The following TMEM272 variants were observed in gnomAD, a reference collection of about 807,000 sequenced individuals.
TMEM272 encodes transmembrane protein 272, also known as long intergenic non-protein coding RNA 282.
TMEM272 carries 8 observed loss-of-function variants against 3.7 expected under a neutral mutation model. That is an observed-to-expected ratio of 2.17 (90% CI 1.27 to 3.91). The LOEUF (loss-of-function observed/expected upper bound fraction) is 3.91, where lower values mean the gene tolerates loss of function less well. TMEM272 is among the 30% of genes most tolerant of loss of function. The pLI is 0.00. For missense variants in TMEM272, 166 were observed against 91.5 expected (o/e 1.81, Z -3.32); for synonymous variants, 63 against 39.8 (o/e 1.58, Z -2.20).
At chr13:51,866,751 T>C in the TMEM272 span, among the ~76,000 whole-genome samples, 1 of 152,176 alleles carries the variant, frequency 6.6e-6, no homozygotes, top group Non-Finnish European at 1.5e-5. Flanking sequence ...CCAAGAGCAC[T>C]GACGCCCCTG....
chr13:51,851,814 C>T, the TMEM272 span, among the ~76,000 whole-genome samples: 37 of 152,314 alleles, frequency 2.4e-4, no homozygotes, highest in East Asian at 3.9e-3. Flanking sequence ...TGAGCCACCG[C>T]GCCCAGCCTG....
Position 51,815,601 on chromosome 13 carries a change from A to AAGC in TMEM272, c.*1147_*1149dup, listed in dbSNP as rs1956013623. 1 of 152,264 alleles carries AAGC rather than the reference A, an allele frequency of 6.6e-6. No individual in the cohort carries two copies. Among genetic ancestry groups the AAGC allele is most frequent in the African/African-American group, 2.4e-5 (1 of 41,458 alleles). The allele number at this position is 152,264 out of a possible 1,614,324, so 9.4% of individuals were successfully genotyped here. On this transcript the variant is annotated 3_prime_UTR_variant, in exon 5 of 5. Transcript: ENST00000629372. ...GAAATGCTATGCACGTGGCTGAGAG[A>AAGC]AGCACGGTTAAGCAGGTGCCACGCA... is the stretch of plus-strand genomic sequence containing the variant.
At chr13:51,900,942 C>T in the TMEM272 span, among the ~76,000 whole-genome samples, 1 of 152,058 alleles carries the variant, frequency 6.6e-6, no homozygotes, top group Middle Eastern at 3.2e-3. Flanking sequence ...AAAGTAGATA[C>T]AAGGTTGCCA....
At chr13:51,909,735 T>C in the TMEM272 span, 252 of 1,552,246 alleles carry the variant, frequency 1.6e-4, no homozygotes, top group Non-Finnish European at 2.1e-4. Context: ...CAATTCACTG[T>C]TCATTTCTAA....
the TMEM272 span, among the ~76,000 whole-genome samples, chr13:51,901,235 G>A: frequency 2.6e-5 from 4 of 152,064 alleles, no homozygotes; most frequent in Non-Finnish European, 5.9e-5. Context: ...GAGAACCTGG[G>A]TCCACACACA....
chr13:51,835,553 T>C (rs1956209850), intron 2 of TMEM272, among the ~76,000 whole-genome samples: 1 of 152,150 alleles, frequency 6.6e-6, no homozygotes, highest in African/African-American at 2.4e-5. Flanking sequence ...TACATAAATA[T>C]GTAGCTTTAT....
the TMEM272 span, among the ~76,000 whole-genome samples, chr13:51,889,935 C>T: frequency 6.6e-6 from 1 of 152,124 alleles, no homozygotes. Flanking sequence ...GCCACCATGC[C>T]CAGCCAATCT....
chr13:51,860,690 CAA>C, the TMEM272 span, among the ~76,000 whole-genome samples: 1 of 144,648 alleles, frequency 6.9e-6, no homozygotes, highest in African/African-American at 2.5e-5. Context: ...TATGCCTTAC[CAA>C]AAAGAGACAG....
intron 4 of TMEM272, among the ~76,000 whole-genome samples, chr13:51,817,741 T>A (rs1956046496): frequency 1.3e-5 from 2 of 151,952 alleles, no homozygotes; most frequent in Non-Finnish European, 2.9e-5. Context: ...TCCCTCTCAG[T>A]CCTCGTACAT....
At chr13:51,876,372 A>G in the TMEM272 span, among the ~76,000 whole-genome samples, 1 of 152,186 alleles carries the variant, frequency 6.6e-6, no homozygotes, top group Non-Finnish European at 1.5e-5. Flanking sequence ...TCATGAAATC[A>G]TTTCATTAGC....
upstream of TMEM272, among the ~76,000 whole-genome samples, chr13:51,847,910 A>C (rs983253154): frequency 1.3e-5 from 2 of 152,232 alleles, no homozygotes; most frequent in Non-Finnish European, 2.9e-5. Flanking sequence ...CATGTCCCCA[A>C]ACATGCAGCA....
At chr13:51,839,380 G>A (rs556687841) in intron 1 of TMEM272, among the ~76,000 whole-genome samples, 1 of 152,278 alleles carries the variant, frequency 6.6e-6, no homozygotes, top group East Asian at 1.9e-4. Flanking sequence ...CCTGAGGCTG[G>A]GTGTGCGTAG....
chr13:51,848,387 GC>G (rs1226462428), upstream of TMEM272, among the ~76,000 whole-genome samples: 1 of 152,100 alleles, frequency 6.6e-6, no homozygotes, highest in Non-Finnish European at 1.5e-5. Flanking sequence ...CTCCACTATT[GC>G]CATATGAATA....
At chr13:51,910,078 A>G in the TMEM272 span, 10 of 1,148,508 alleles carry the variant, frequency 8.7e-6, no homozygotes, top group Middle Eastern at 2.0e-4. Context: ...GATTTGAGGG[A>G]TTTTGACTCA....
the TMEM272 span, among the ~76,000 whole-genome samples, chr13:51,851,089 C>A: frequency 6.6e-6 from 1 of 152,138 alleles, no homozygotes; most frequent in South Asian, 2.1e-4. Context: ...TACTACAGCA[C>A]TTTGGGAGGC....
the TMEM272 span, among the ~76,000 whole-genome samples, chr13:51,922,134 T>C: frequency 1.3e-5 from 2 of 152,212 alleles, no homozygotes; most frequent in Non-Finnish European, 2.9e-5. Flanking sequence ...GTTCATCCTT[T>C]ACAGACCATC....
the TMEM272 span, among the ~76,000 whole-genome samples, chr13:51,923,011 T>A: frequency 1.3e-5 from 2 of 152,188 alleles, no homozygotes; most frequent in Non-Finnish European, 2.9e-5. Context: ...AGGATTCGGA[T>A]GAGGATGTCT....
rs951963082 is a variant in TMEM272 at position 51,815,389 on chromosome 13, C to T, written c.*1362G>A. 3 of 152,528 alleles carry T rather than the reference C, an allele frequency of 2.0e-5. No homozygotes were observed. Among genetic ancestry groups the T allele is most frequent in the Admixed American group, 6.6e-5 (1 of 15,260 alleles). 9.4% of individuals were successfully genotyped at this position (152,528 alleles called of 1,614,324 possible). ...GTGCTTCTAAACTGAAATGGGAAGA[C>T]CCCATGGGACTCACGGGGCCTTTCT... On this transcript the variant is annotated 3_prime_UTR_variant, in exon 5 of 5. Transcript: ENST00000629372.
chr13:51,846,320 A>T (rs1303096844), upstream of TMEM272, among the ~76,000 whole-genome samples: 1 of 152,252 alleles, frequency 6.6e-6, no homozygotes, highest in Non-Finnish European at 1.5e-5. Context: ...TTAAGATTAT[A>T]ATGGAACTAA....
Sources: allele counts gnomAD v4.1 joint callset (sites outside exome capture counted in the v4.1 genomes callset), GRCh38; gene constraint gnomAD v4.1.1; transcripts MANE v1.5; gene names NCBI Gene and HGNC (gene_info 2026-07-23, HGNC 2026-07-21).